NCOA1: variants seen among roughly 807,000 people sequenced by gnomAD.
The protein encoded by NCOA1 is Hin-2 protein.
In NCOA1, 35 loss-of-function variants were observed where a neutral mutation model predicts 150.9. That is an observed-to-expected ratio of 0.23 (90% CI 0.18 to 0.31). The LOEUF (loss-of-function observed/expected upper bound fraction) is 0.31, where lower values mean the gene tolerates loss of function less well. Ranked by LOEUF, NCOA1 falls within the 10% of genes least tolerant of loss-of-function variation. The probability of loss-of-function intolerance (pLI) is 1.00; values close to 1 mark genes in which losing one functional copy is unlikely to be tolerated. For missense variants in NCOA1, 1,491 were observed against 1,749.3 expected (o/e 0.85, Z 2.63); for synonymous variants, 590 against 630.0 (o/e 0.94, Z 0.95).
At chr2:24,521,796 G>A (rs1572378344) in intron 1 of NCOA1, among the ~76,000 whole-genome samples, 2 of 152,162 alleles carry the variant, frequency 1.3e-5, no homozygotes, top group Non-Finnish European at 2.9e-5. Context: ...ATTTTTTGAG[G>A]AACCTCCCTA....
chr2:24,533,917 T>A (rs1467942408), intron 1 of NCOA1, among the ~76,000 whole-genome samples: 1 of 152,168 alleles, frequency 6.6e-6, no homozygotes, highest in Non-Finnish European at 1.5e-5. Context: ...TTTTGTTGTG[T>A]CTCTGCCAGG....
intron 1 of NCOA1, among the ~76,000 whole-genome samples, chr2:24,503,003 G>A (rs866969593): frequency 6.6e-6 from 1 of 152,132 alleles, no homozygotes; most frequent in Non-Finnish European, 1.5e-5. Context: ...GGCAGATGGG[G>A]ATTAGGTTTT....
chr2:24,709,423 C>T (rs765268637), intron 13 of NCOA1, among the ~76,000 whole-genome samples: 4 of 152,126 alleles, frequency 2.6e-5, no homozygotes, highest in Non-Finnish European at 4.4e-5. Context: ...TTCTAATTTG[C>T]ATTTCCCTGA....
At chr2:24,621,732 G>A (rs951397056) in intron 3 of NCOA1, among the ~76,000 whole-genome samples, 2 of 151,858 alleles carry the variant, frequency 1.3e-5, no homozygotes, top group South Asian at 2.1e-4. Flanking sequence ...CATCCTCTTC[G>A]GCTTCCCAAA....
chr2:24,694,178 C>T (rs1672794679), intron 10 of NCOA1, among the ~76,000 whole-genome samples: 1 of 152,170 alleles, frequency 6.6e-6, no homozygotes, highest in Non-Finnish European at 1.5e-5. Flanking sequence ...TCTTAAAGGC[C>T]TACTTCAGAT....
chr2:24,645,521 A>G (rs1670430739), intron 4 of NCOA1, among the ~76,000 whole-genome samples: 1 of 151,760 alleles, frequency 6.6e-6, no homozygotes, highest in Non-Finnish European at 1.5e-5. Flanking sequence ...AAAAAAAAAA[A>G]AAAAAAAAAA....
chr2:24,653,854 T>G (rs1216245854), intron 4 of NCOA1, among the ~76,000 whole-genome samples: 1 of 152,226 alleles, frequency 6.6e-6, no homozygotes, highest in Non-Finnish European at 1.5e-5. Context: ...TCTTTTCTTT[T>G]GAATTGGGCA....
chr2:24,641,085 T>C (rs1670195094), intron 3 of NCOA1, among the ~76,000 whole-genome samples: 1 of 151,960 alleles, frequency 6.6e-6, no homozygotes, highest in Non-Finnish European at 1.5e-5. Flanking sequence ...TATTTTCAAA[T>C]TCCTTTATAA....
chr2:24,642,039 C>CGCGT (rs1386404640), intron 3 of NCOA1, among the ~76,000 whole-genome samples: 3 of 81,118 alleles, frequency 3.7e-5, no homozygotes, highest in Admixed American at 2.1e-4. Context: ...TGTGTGTGTG[C>CGCGT]GCGCGTGCGT....
chr2:24,754,853 G>A (rs1664422568), intron 20 of NCOA1, among the ~76,000 whole-genome samples: 2 of 152,168 alleles, frequency 1.3e-5, no homozygotes, highest in South Asian at 4.1e-4. Context: ...TACTCCCTAA[G>A]TCAACATCTT....
chr2:24,491,696 G>C (rs573657367), intron 1 of NCOA1, among the ~76,000 whole-genome samples, 94 bp downstream of exon 1: 1 of 151,118 alleles, frequency 6.6e-6, no homozygotes, highest in South Asian at 2.1e-4. Flanking sequence ...GGAGCAGCTG[G>C]CGCCCCTCCG....
At chr2:24,567,694 A>G (rs1433901444) in intron 2 of NCOA1, among the ~76,000 whole-genome samples, 1 of 152,232 alleles carries the variant, frequency 6.6e-6, no homozygotes, top group African/African-American at 2.4e-5. Context: ...TGGTTGTATA[A>G]AAGTGCCATA....
intron 1 of NCOA1, among the ~76,000 whole-genome samples, chr2:24,506,567 C>A (rs557074670): frequency 6.6e-5 from 10 of 152,278 alleles, no homozygotes; most frequent in African/African-American, 1.9e-4. Context: ...TCTTGGCTCA[C>A]TTCCGTGGAG....
chr2:24,570,507 A>G (rs544928906), intron 2 of NCOA1, among the ~76,000 whole-genome samples: 23 of 152,346 alleles, frequency 1.5e-4, no homozygotes, highest in African/African-American at 5.3e-4. Flanking sequence ...GGAGCCAACT[A>G]TGCTTTAGAG....
At position 24,691,513 on chromosome 2, in the gene NCOA1, C is replaced by T; in HGVS notation, c.565C>T (p.Arg189Ter). 6.2e-7 allele frequency: 1 copy of T among 1,614,038 alleles called. No individual in the cohort carries two copies. Among genetic ancestry groups the T allele is most frequent in the Non-Finnish European group, 8.5e-7 (1 of 1,179,944 alleles). Residue 189 changes from arginine (R) to a stop codon, truncating the protein, a stop_gained, in exon 9 of 23, where the codon CGA becomes TGA. Transcript: ENST00000348332. LOFTEE classifies it high-confidence loss of function. ...NGVPWPQEAT[R>*]RNSHTFNCRM... ...AGTTCCTTGGCCTCAAGAGGCAACA[C>T]GACGAAATAGCCATACCTTTAACTG...
chr2:24,574,026 T>G (rs1171536644), intron 2 of NCOA1, among the ~76,000 whole-genome samples: 6 of 151,398 alleles, frequency 4.0e-5, no homozygotes, highest in Non-Finnish European at 7.4e-5. Flanking sequence ...AAAGCAGAAA[T>G]AGGTGAATTA....
At chr2:24,544,542 G>A (rs948467961) in intron 1 of NCOA1, among the ~76,000 whole-genome samples, 10 of 152,120 alleles carry the variant, frequency 6.6e-5, no homozygotes, top group African/African-American at 2.4e-4. Flanking sequence ...AGGAGTTTGA[G>A]ACCAGCCTGG....
chr2:24,502,447 C>A (rs935415368), intron 1 of NCOA1, among the ~76,000 whole-genome samples: 1 of 152,166 alleles, frequency 6.6e-6, no homozygotes, highest in Non-Finnish European at 1.5e-5. Flanking sequence ...TGGTCCCACT[C>A]CCCAGTGAGT....
intron 5 of NCOA1, among the ~76,000 whole-genome samples, chr2:24,663,718 C>T (rs919425428): frequency 6.6e-6 from 1 of 152,140 alleles, no homozygotes; most frequent in Admixed American, 6.5e-5. Flanking sequence ...CATTTTATCT[C>T]CTTGCTTATT....
Sources: gnomAD v4.1 joint callset for allele counts (sites outside exome capture counted in the v4.1 genomes callset) on GRCh38, gnomAD v4.1.1 for gene constraint, MANE v1.5 for transcripts, NCBI Gene and HGNC (gene_info 2026-07-23, HGNC 2026-07-21) for gene names.